The following TOX2 variants were observed in gnomAD, a reference collection of about 807,000 sequenced individuals.
The protein encoded by TOX2 is granulosa cell HMG box 1.
In TOX2, 15 loss-of-function variants were observed where a neutral mutation model predicts 47.4. That is an observed-to-expected ratio of 0.32 (90% CI 0.21 to 0.49). TOX2 has a LOEUF of 0.49. TOX2 is among the 20% of genes least tolerant of loss of function. TOX2 has a pLI of 0.99. For synonymous variants in TOX2, 290 were observed against 296.6 expected, an observed-to-expected ratio of 0.98 and a Z score of 0.23; for missense variants, 622 against 673.1, an observed-to-expected ratio of 0.92 and a Z score of 0.84.
chr20:44,012,704 G>A (rs528378129), intron 3 of TOX2, among the ~76,000 whole-genome samples: 5 of 152,180 alleles, frequency 3.3e-5, no homozygotes, highest in African/African-American at 4.8e-5. Flanking sequence ...CTCACAAATA[G>A]GAAAATGGGT....
chr20:43,967,410 G>A (rs2069875932), intron 1 of TOX2, among the ~76,000 whole-genome samples: 1 of 152,074 alleles, frequency 6.6e-6, no homozygotes, highest in African/African-American at 2.4e-5. Flanking sequence ...AGAAGGAAAT[G>A]CCAGACCCAC....
intron 3 of TOX2, among the ~76,000 whole-genome samples, chr20:44,038,614 A>C (rs1233457973): frequency 6.6e-6 from 1 of 152,162 alleles, no homozygotes; most frequent in East Asian, 1.9e-4. Flanking sequence ...AGGCTGAAGA[A>C]AATAAAAAAA....
intron 1 of TOX2, among the ~76,000 whole-genome samples, chr20:43,932,793 G>A (rs949840599): frequency 6.9e-6 from 1 of 144,806 alleles, no homozygotes; most frequent in Non-Finnish European, 1.5e-5. Flanking sequence ...CGCCATTTCT[G>A]ACTGAGGGCA....
chr20:43,984,479 T>A lies in TOX2; in HGVS notation c.165+11047T>A, dbSNP rs1346192152. Among the ~76,000 whole-genome samples the A allele has an allele frequency of 2.0e-5, 3 of 152,354 alleles. No individual in the cohort carries two copies. In the East Asian group the frequency reaches 5.8e-4, roughly 29 times the overall value. On this transcript the variant is annotated intron_variant, in intron 2 of 8. Transcript: ENST00000341197. Reference sequence around the variant, plus strand: ...AAAAATGGCCTAGCTTCTCTTATTTTCACTGAGAGAAAACTGCCGAGGAGG... The same window carrying A: ...AAAAATGGCCTAGCTTCTCTTATTTACACTGAGAGAAAACTGCCGAGGAGG...
chr20:43,936,108 C>A (rs966435580), intron 1 of TOX2, among the ~76,000 whole-genome samples: 19 of 152,134 alleles, frequency 1.2e-4, no homozygotes, highest in African/African-American at 4.3e-4. Context: ...ACCTGAGAAG[C>A]CTTGGCATGG....
At chr20:44,042,079 T>C (rs2071340049) in intron 3 of TOX2, among the ~76,000 whole-genome samples, 2 of 152,196 alleles carry the variant, frequency 1.3e-5, no homozygotes, top group Non-Finnish European at 2.9e-5. Flanking sequence ...GGAAAGAGAT[T>C]TAATGGACTC....
At chr20:44,041,924 A>G (rs554544058) in intron 3 of TOX2, among the ~76,000 whole-genome samples, 1 of 152,378 alleles carries the variant, frequency 6.6e-6, no homozygotes, top group African/African-American at 2.4e-5. Context: ...AGGCAAAAAC[A>G]TTCATAATAA....
At chr20:43,928,384 G>T (rs912384191) in intron 1 of TOX2, among the ~76,000 whole-genome samples, 10 of 152,174 alleles carry the variant, frequency 6.6e-5, no homozygotes, top group African/African-American at 2.4e-4. Flanking sequence ...ATGAGAGAAG[G>T]AATAAAAAGC....
chr20:43,988,912 T>TC (rs754838401), intron 2 of TOX2, among the ~76,000 whole-genome samples: 1 of 152,210 alleles, frequency 6.6e-6, no homozygotes, highest in Non-Finnish European at 1.5e-5. Context: ...TGGTTGTGGC[T>TC]CCAGGTAACT....
chr20:43,973,696 C>T (rs909522147), intron 2 of TOX2, among the ~76,000 whole-genome samples: 3 of 152,216 alleles, frequency 2.0e-5, no homozygotes, highest in Non-Finnish European at 4.4e-5. Context: ...GCCCATACTC[C>T]CCACGCTTGG....
intron 3 of TOX2, among the ~76,000 whole-genome samples, chr20:44,016,242 T>C (rs2070876558): frequency 6.6e-6 from 1 of 152,048 alleles, no homozygotes; most frequent in African/African-American, 2.4e-5. Flanking sequence ...ATTTTTCAGA[T>C]GCAGAAACTG....
At chr20:44,067,003 C>A in intron 8 of TOX2, 146 bp downstream of exon 8, 1 of 1,227,872 alleles carries the variant, frequency 8.1e-7, no homozygotes, top group Non-Finnish European at 1.1e-6. Flanking sequence ...ATCGATATCT[C>A]AGATGACACC....
chr20:43,943,655 A>G (rs1353438214), intron 1 of TOX2, among the ~76,000 whole-genome samples: 1 of 152,228 alleles, frequency 6.6e-6, no homozygotes, highest in Non-Finnish European at 1.5e-5. Flanking sequence ...CAACAAAAAA[A>G]AAGTTTTTTC....
rs568785771 is a variant in TOX2, at chr20:44,032,854, T to G, written c.412-18452T>G. Among the ~76,000 whole-genome samples the G allele has an allele frequency of 2.0e-5, 3 of 152,320 alleles. No homozygotes were observed. In the South Asian group the frequency reaches 6.2e-4, roughly 32 times the overall value. The stretch of plus-strand genomic sequence containing the variant: ...AAGGGGACAAATTGCTTTTCATTTC[T>G]CTGCTTCTCTGCCGGCGGCTTCATA... On this transcript the variant is annotated intron_variant, in intron 3 of 8. Transcript: ENST00000341197.
At chr20:44,003,630 A>G (rs140479846) in intron 2 of TOX2, among the ~76,000 whole-genome samples, 2 of 152,326 alleles carry the variant, frequency 1.3e-5, no homozygotes, top group African/African-American at 2.4e-5. Context: ...CCAAGGAAAA[A>G]TTCTGGGCAA....
At chr20:44,033,871 C>A (rs1404477668) in intron 3 of TOX2, among the ~76,000 whole-genome samples, 1 of 152,014 alleles carries the variant, frequency 6.6e-6, no homozygotes, top group Admixed American at 6.5e-5. Context: ...ATTACAGTAG[C>A]AACAGGAAAC....
chr20:44,068,930 AG>A lies in TOX2; in HGVS notation c.*247del. The A allele has an allele frequency of 1.5e-6, 1 of 669,100 alleles. No homozygotes were observed. Among genetic ancestry groups the A allele is most frequent in the East Asian group, 3.0e-5 (1 of 33,676 alleles). The allele number at this position is 669,100 out of a possible 1,614,324, so 41.4% of individuals were successfully genotyped here. On this transcript the variant is annotated 3_prime_UTR_variant, in exon 9 of 9. Coordinates refer to ENST00000341197, the MANE Select transcript of TOX2 (RefSeq NM_001098797.2). ...TTCCGCCCGCTGACCTGCTTGCTCC[AG>A]GGTAACTGTGGACCCTGTCCTCGCC...
intron 2 of TOX2, among the ~76,000 whole-genome samples, chr20:43,999,419 G>A (rs944503744): frequency 6.6e-6 from 1 of 151,786 alleles, no homozygotes; most frequent in Non-Finnish European, 1.5e-5. Context: ...AAAAATCACT[G>A]GTGTTTCTGT....
At chr20:43,949,003 G>A (rs2069515186) in intron 1 of TOX2, among the ~76,000 whole-genome samples, 1 of 152,190 alleles carries the variant, frequency 6.6e-6, no homozygotes, top group Admixed American at 6.5e-5. Flanking sequence ...CAGCCCCCTA[G>A]TCATGGGGGG....
Sources: allele counts gnomAD v4.1 joint callset (sites outside exome capture counted in the v4.1 genomes callset), GRCh38; gene constraint gnomAD v4.1.1; transcripts MANE v1.5; gene names NCBI Gene and HGNC (gene_info 2026-07-23, HGNC 2026-07-21).